Variants in ANKRD31 observed in about 807,000 individuals in gnomAD.
ANKRD31 encodes ankyrin repeat domain 31, also known as ankyrin repeat domain-containing protein 31.
A neutral mutation model predicts 186.0 loss-of-function variants in ANKRD31; 147 were observed. That is an observed-to-expected ratio of 0.79 (90% CI 0.69 to 0.91). The LOEUF is 0.91. Ranked by LOEUF, ANKRD31 falls within the 40% of genes least tolerant of loss-of-function variation. ANKRD31 has a pLI of 0.00. For missense variants in ANKRD31, 1,986 were observed against 2,148.8 expected (o/e 0.92, Z 1.50); for synonymous variants, 673 against 736.4 (o/e 0.91, Z 1.39).
chr5:75,080,309 T>G, intron 25 of ANKRD31, among the ~76,000 whole-genome samples: 2 of 152,204 alleles, frequency 1.3e-5, no homozygotes. Context: ...TTCATTCATT[T>G]ATTTATTCAA....
At chr5:75,113,828 T>G (rs1193318096) in intron 19 of ANKRD31, among the ~76,000 whole-genome samples, 1 of 152,190 alleles carries the variant, frequency 6.6e-6, no homozygotes, top group African/African-American at 2.4e-5. Flanking sequence ...CACTAAGGTT[T>G]ACCGCTTCAT....
intron 5 of ANKRD31, among the ~76,000 whole-genome samples, chr5:75,205,627 G>T (rs1756129246): frequency 6.6e-6 from 1 of 152,196 alleles, no homozygotes. Flanking sequence ...ATACGTAAGA[G>T]CTGGTGGTGG....
At chr5:75,080,531 A>T in intron 25 of ANKRD31, 37 bp downstream of exon 25, 4 of 1,401,478 alleles carry the variant, frequency 2.9e-6, no homozygotes, top group Non-Finnish European at 3.9e-6. Flanking sequence ...AACACTTATA[A>T]AAGTAAATGG....
chr5:75,155,269 T>C (rs530793300), intron 11 of ANKRD31, among the ~76,000 whole-genome samples: 1 of 152,202 alleles, frequency 6.6e-6, no homozygotes, highest in South Asian at 2.1e-4. Flanking sequence ...TAGGTATGTA[T>C]GTATGTATAT....
intron 22 of ANKRD31, 81 bp downstream of exon 22, chr5:75,104,147 A>G: frequency 8.2e-7 from 1 of 1,225,080 alleles, no homozygotes; most frequent in Non-Finnish European, 1.1e-6. Context: ...ATCAGAGCTA[A>G]ATGTCTATAT....
Position 75,196,127 on chromosome 5 carries a change from A to G in ANKRD31, c.521T>C (p.Val174Ala), listed in dbSNP as rs992256564. 6.5e-7 allele frequency: 1 copy of G among 1,534,394 alleles called. No homozygotes were observed. The highest frequency in any genetic ancestry group is 8.7e-7 in the Non-Finnish European group (1 of 1,145,960). The change falls in exon 7 of 26, where the codon GTT (valine) becomes GCT (alanine). Residue 174 changes from valine to alanine, a missense_variant. Transcript: ENST00000506364. ...SGTAITVSDT[V>A]AVKETSLVEP... ...TACTAATGATGTCTCCTTTACAGCA[A>G]CTGTATCAGATACTGTAATAGCAGT...
intron 22 of ANKRD31, among the ~76,000 whole-genome samples, chr5:75,099,873 G>C (rs1746677506): frequency 1.3e-5 from 2 of 152,088 alleles, no homozygotes; most frequent in African/African-American, 4.8e-5. Flanking sequence ...CAAAAAACCA[G>C]CTCCTGAATT....
chr5:75,189,870 T>A (rs1275145241), intron 9 of ANKRD31, among the ~76,000 whole-genome samples: 1 of 152,214 alleles, frequency 6.6e-6, no homozygotes, highest in East Asian at 1.9e-4. Flanking sequence ...TTCCTCTTTT[T>A]TAGCTTGTTA....
At chr5:75,199,776 C>A (rs1241462138) in intron 5 of ANKRD31, 102 bp from the exon 6 acceptor site, 2 of 587,828 alleles carry the variant, frequency 3.4e-6, no homozygotes, top group Non-Finnish European at 5.4e-6. Context: ...CTCCCTCAGT[C>A]AAGTGACACA....
intron 2 of ANKRD31, among the ~76,000 whole-genome samples, chr5:75,227,986 C>T (rs1480270251): frequency 6.6e-6 from 1 of 152,146 alleles, no homozygotes; most frequent in African/African-American, 2.4e-5. Context: ...GAAACCATAC[C>T]CCCAACCGCC....
At position 75,230,648 on chromosome 5, in the gene ANKRD31, A is replaced by G. The variant is rs1476062228; in HGVS notation, c.105-13T>C. On this transcript the variant is annotated splice_polypyrimidine_tract_variant and intron_variant, in intron 1 of 25. Transcript: ENST00000506364. ...ATCAAACAGCAACCTTTCAAATACC[A>G]AAAGGGAAGGCACAAGTTGTTAATG... The G allele has an allele frequency of 2.7e-6, 4 of 1,492,080 alleles. No homozygotes were observed. In the South Asian group the frequency reaches 4.9e-5, roughly 18 times the overall value. 92.4% of individuals were successfully genotyped at this position (1,492,080 alleles called of 1,614,324 possible). A position where few individuals can be genotyped will look rare whatever the true frequency, so the allele number is the denominator to read the frequency against.
At chr5:75,151,514 C>T (rs1751838206) in intron 12 of ANKRD31, among the ~76,000 whole-genome samples, 2 of 151,986 alleles carry the variant, frequency 1.3e-5, no homozygotes, top group Non-Finnish European at 2.9e-5. Flanking sequence ...CTTGCTGCTG[C>T]CATGTGAAGA....
At chr5:75,101,292 C>T (rs1046736064) in intron 22 of ANKRD31, among the ~76,000 whole-genome samples, 1 of 152,158 alleles carries the variant, frequency 6.6e-6, no homozygotes, top group African/African-American at 2.4e-5. Flanking sequence ...GCCAAGAGAT[C>T]TGCTGTTAGT....
chr5:75,071,787 C>T (rs932762115), intron 25 of ANKRD31, among the ~76,000 whole-genome samples: 9 of 152,010 alleles, frequency 5.9e-5, no homozygotes, highest in Admixed American at 3.9e-4. Flanking sequence ...TATGAGCCAC[C>T]GCGCCCGGCC....
At chr5:75,123,321 T>C (rs1748946613) in intron 17 of ANKRD31, among the ~76,000 whole-genome samples, 1 of 152,044 alleles carries the variant, frequency 6.6e-6, no homozygotes, top group Non-Finnish European at 1.5e-5. Context: ...ACACTTCATG[T>C]TCATGAATCA....
At chr5:75,235,038 G>T (rs1758173050) in intron 1 of ANKRD31, among the ~76,000 whole-genome samples, 1 of 151,088 alleles carries the variant, frequency 6.6e-6, no homozygotes, top group South Asian at 2.1e-4. Context: ...CTATTTTGGG[G>T]GTTTTTATGC....
intron 22 of ANKRD31, among the ~76,000 whole-genome samples, chr5:75,100,157 T>C (rs1249827638): frequency 6.6e-6 from 1 of 152,240 alleles, no homozygotes; most frequent in Admixed American, 6.5e-5. Flanking sequence ...AACTTCTTTA[T>C]TTCTGCCTTC....
intron 17 of ANKRD31, among the ~76,000 whole-genome samples, 153 bp downstream of exon 17, chr5:75,137,703 A>G (rs1008718030): frequency 2.0e-5 from 3 of 152,156 alleles, no homozygotes; most frequent in Non-Finnish European, 4.4e-5. Context: ...TAATCCATAT[A>G]TATTATTGTA....
chr5:75,133,675 T>A (rs1750077707), intron 17 of ANKRD31, among the ~76,000 whole-genome samples: 1 of 152,174 alleles, frequency 6.6e-6, no homozygotes, highest in Admixed American at 6.5e-5. Flanking sequence ...CTAATAGACA[T>A]CTACAGAACT....
Sources: allele counts gnomAD v4.1 joint callset (sites outside exome capture counted in the v4.1 genomes callset), GRCh38; gene constraint gnomAD v4.1.1; transcripts MANE v1.5; gene names NCBI Gene and HGNC (gene_info 2026-07-23, HGNC 2026-07-21).